TRRAP: variants seen among roughly 807,000 people sequenced by gnomAD.
TRRAP encodes the protein transformation/transcription domain-associated protein.
In TRRAP, 41 loss-of-function variants were observed where a neutral mutation model predicts 438.8. The ratio of observed to expected loss-of-function variants is 0.09; its 90% CI spans 0.07 to 0.12. The LOEUF is 0.12. Among genes scored for constraint, TRRAP ranks in the 10% least tolerant of loss-of-function variants. TRRAP has a pLI of 1.00. For synonymous variants in TRRAP, 1,994 were observed against 1,962.9 expected (o/e 1.02, Z -0.42); for missense variants, 3,122 against 5,055.1 (o/e 0.62, Z 11.60).
rs140952461 is a variant in TRRAP, at chr7:98,916,164, A to G, written c.2365+276A>G. Among the ~76,000 whole-genome samples the G allele has an allele frequency of 4.9e-4, 75 of 152,118 alleles. No homozygotes were observed. In the East Asian group the frequency reaches 0.014, roughly 28 times the overall value. On this transcript the variant is annotated intron_variant, in intron 19 of 72. Transcript: ENST00000456197. ...GTTGTCCTGGCTAGGGCTTGGTTGCATTTTTATAGTGTTTGGTAAGCAAGT... is the reference window on the plus strand; with the variant it reads ...GTTGTCCTGGCTAGGGCTTGGTTGCGTTTTTATAGTGTTTGGTAAGCAAGT...
At chr7:98,927,144 C>T (rs1562945026) in intron 22 of TRRAP, 23 bp from the exon 23 acceptor site, 2 of 1,614,070 alleles carry the variant, frequency 1.2e-6, no homozygotes, top group Non-Finnish European at 8.5e-7. Context: ...TGTCGTGACA[C>T]CAGATCTGAT....
At chr7:98,935,998 A>G (rs1554414157) in intron 28 of TRRAP, among the ~76,000 whole-genome samples, 1 of 152,210 alleles carries the variant, frequency 6.6e-6, no homozygotes, top group Non-Finnish European at 1.5e-5. Flanking sequence ...ATAGTAAGGG[A>G]CATGACAGCC....
At chr7:98,945,240 GCACA>G (rs1285922567) in intron 31 of TRRAP, among the ~76,000 whole-genome samples, 11 of 152,086 alleles carry the variant, frequency 7.2e-5, no homozygotes, top group African/African-American at 2.7e-4. Flanking sequence ...ATACATGCGT[GCACA>G]CACACACCCA....
intron 11 of TRRAP, among the ~76,000 whole-genome samples, chr7:98,900,962 C>A (rs1796443167): frequency 1.3e-5 from 2 of 152,200 alleles, no homozygotes. Flanking sequence ...TAGTTTTGTC[C>A]TTTCTAGAAT....
intron 63 of TRRAP, 66 bp from the exon 64 acceptor site, chr7:98,990,389 A>G (rs1793378947): frequency 9.5e-6 from 15 of 1,574,180 alleles, no homozygotes; most frequent in East Asian, 2.3e-5. Flanking sequence ...AATGTTGGGG[A>G]AAAAGTCTCT....
chr7:98,958,472 G>A lies in TRRAP; in HGVS notation c.6342+381G>A, dbSNP rs139059402. Among the ~76,000 whole-genome samples, 265 of 152,158 alleles carry A rather than the reference G, an allele frequency of 1.7e-3. 2 individuals are homozygous for A. In the East Asian group the frequency reaches 0.026, roughly 15 times the overall value. On this transcript the variant is annotated intron_variant, in intron 44 of 72. Transcript: ENST00000456197. ...GTGCCACCACACCCAGCTAGTTTTT[G>A]TATTTTTGGTAGAGATGGGGTTTCA...
intron 47 of TRRAP, among the ~76,000 whole-genome samples, chr7:98,963,096 G>A (rs1317744625): frequency 1.3e-5 from 2 of 152,178 alleles, no homozygotes; most frequent in African/African-American, 4.8e-5. Flanking sequence ...ATAGCAATCA[G>A]TCCCAGTATT....
At chr7:98,961,132 C>G in intron 45 of TRRAP, 129 bp from the exon 46 acceptor site, 1 of 769,672 alleles carries the variant, frequency 1.3e-6, no homozygotes, top group Admixed American at 2.1e-5. Flanking sequence ...TTGTCATTCT[C>G]TAGTGGTTTT....
In TRRAP at chr7:98,900,612, CTT is replaced by C; in HGVS notation, c.801-11_801-10del. ...AATTGAGAGGTAATATTTTTGTTCT[CTT>C]CTTATTCAGGCAACATAAGCTTTAC... On this transcript the variant is annotated splice_polypyrimidine_tract_variant and intron_variant, in intron 10 of 72. Coordinates refer to ENST00000456197, the MANE Select transcript of TRRAP (RefSeq NM_001375524.1). The C allele has an allele frequency of 1.2e-6, 2 of 1,603,668 alleles. No homozygotes were observed. Among genetic ancestry groups the C allele is most frequent in the Non-Finnish European group, 1.7e-6 (2 of 1,176,514 alleles).
intron 62 of TRRAP, among the ~76,000 whole-genome samples, chr7:98,985,400 GCCAGCCACAT>G (rs1160481976): frequency 2.0e-5 from 3 of 152,050 alleles, no homozygotes; most frequent in East Asian, 3.9e-4. Flanking sequence ...TGGCCTGGGG[GCCAGCCACAT>G]CCAGCCACTG....
At chr7:98,967,928 A>C (rs1000560135) in intron 51 of TRRAP, among the ~76,000 whole-genome samples, 6 of 152,210 alleles carry the variant, frequency 3.9e-5, no homozygotes, top group Admixed American at 3.9e-4. Flanking sequence ...ATATTTTTGT[A>C]GGTGAAGATT....
intron 13 of TRRAP, among the ~76,000 whole-genome samples, chr7:98,907,392 A>G (rs1352897592): frequency 6.6e-6 from 1 of 152,186 alleles, no homozygotes; most frequent in Non-Finnish European, 1.5e-5. Context: ...TCATCTTTAC[A>G]TTATAAAATG....
chr7:98,882,642 C>A (rs1302824515), intron 3 of TRRAP, among the ~76,000 whole-genome samples: 1 of 150,994 alleles, frequency 6.6e-6, no homozygotes, highest in Non-Finnish European at 1.5e-5. Context: ...GCATTACAGG[C>A]GTGAGCCACC....
intron 33 of TRRAP, 140 bp downstream of exon 33, chr7:98,946,090 C>A: frequency 1.2e-6 from 1 of 861,026 alleles, no homozygotes. Context: ...CTGTCTGTGG[C>A]AGAGTTGTAT....
At chr7:98,941,583 G>T (rs1158729625) in intron 30 of TRRAP, among the ~76,000 whole-genome samples, 1 of 152,154 alleles carries the variant, frequency 6.6e-6, no homozygotes, top group Non-Finnish European at 1.5e-5. Context: ...GCTGGCTGTT[G>T]TCTACCCCTT....
intron 28 of TRRAP, among the ~76,000 whole-genome samples, chr7:98,936,402 G>A (rs1267883504): frequency 2.6e-5 from 4 of 152,108 alleles, no homozygotes; most frequent in African/African-American, 9.7e-5. Context: ...CTTCTCTTGG[G>A]GTCCCTTCTT....
intron 39 of TRRAP, among the ~76,000 whole-genome samples, chr7:98,952,394 C>T (rs1474724717): frequency 3.9e-5 from 6 of 152,170 alleles, no homozygotes; most frequent in African/African-American, 1.4e-4. Flanking sequence ...GAAAAAACAT[C>T]TCAACTACTT....
At chr7:98,903,976 A>AT (rs1268899457) in intron 12 of TRRAP, among the ~76,000 whole-genome samples, 9 of 151,914 alleles carry the variant, frequency 5.9e-5, no homozygotes, top group African/African-American at 2.2e-4. Context: ...CGCCCGGTTA[A>AT]TTTTTTTATT....
chr7:98,890,309 G>A (rs1554404616), intron 3 of TRRAP, 26 bp from the exon 4 acceptor site: 2 of 1,400,290 alleles, frequency 1.4e-6, no homozygotes, highest in Non-Finnish European at 1.9e-6. Context: ...ATAACTGAAT[G>A]GGGTCTTTTA....
Sources: gnomAD v4.1 joint callset for allele counts (sites outside exome capture counted in the v4.1 genomes callset) on GRCh38, gnomAD v4.1.1 for gene constraint, MANE v1.5 for transcripts, NCBI Gene and HGNC (gene_info 2026-07-23, HGNC 2026-07-21) for gene names.